OPCML: variants seen among roughly 807,000 people sequenced by gnomAD.
The protein encoded by OPCML is opioid binding protein/cell adhesion molecule like, also known as opioid-binding protein/cell adhesion molecule.
Under a neutral mutation model 37.8 loss-of-function variants are expected in OPCML, and 13 were observed. The ratio of observed to expected loss-of-function variants is 0.34; its 90% CI spans 0.22 to 0.55. OPCML has a LOEUF of 0.55. Ranked by LOEUF, OPCML falls within the 20% of genes least tolerant of loss-of-function variation. OPCML has a pLI of 0.91. For synonymous variants in OPCML, 176 were observed against 168.8 expected (o/e 1.04, Z -0.33); for missense variants, 341 against 435.6 (o/e 0.78, Z 1.93).
chr11:132,725,093 C>T (rs1944828556), intron 2 of OPCML, among the ~76,000 whole-genome samples: 1 of 152,164 alleles, frequency 6.6e-6, no homozygotes, highest in Non-Finnish European at 1.5e-5. Context: ...GGCAGTGCCC[C>T]AGTAGGGACT....
At chr11:133,482,720 A>AT (rs1330639287) in intron 1 of OPCML, among the ~76,000 whole-genome samples, 1 of 152,214 alleles carries the variant, frequency 6.6e-6, no homozygotes, top group Non-Finnish European at 1.5e-5. Context: ...AAACTAGCTT[A>AT]TTATATGGAG....
At chr11:133,485,305 A>T (rs1426910414) in intron 1 of OPCML, among the ~76,000 whole-genome samples, 3 of 152,214 alleles carry the variant, frequency 2.0e-5, no homozygotes, top group Non-Finnish European at 2.9e-5. Context: ...TGTGTGACAT[A>T]CCTAGGAATT....
At chr11:132,643,793 C>A (rs2135729645) in intron 3 of OPCML, among the ~76,000 whole-genome samples, 1 of 152,308 alleles carries the variant, frequency 6.6e-6, no homozygotes, top group Admixed American at 6.5e-5. Context: ...TCTCATTCAA[C>A]AAGCTCAGTT....
At chr11:132,653,816 T>C (rs1941559499) in intron 3 of OPCML, among the ~76,000 whole-genome samples, 1 of 152,158 alleles carries the variant, frequency 6.6e-6, no homozygotes, top group Non-Finnish European at 1.5e-5. Flanking sequence ...AGAAATGAGA[T>C]ACCCACCTTC....
At chr11:133,114,044 G>A (rs1949295644) in intron 1 of OPCML, among the ~76,000 whole-genome samples, 1 of 152,202 alleles carries the variant, frequency 6.6e-6, no homozygotes, top group Non-Finnish European at 1.5e-5. Flanking sequence ...CAGAAACAGA[G>A]CATAAGTACA....
chr11:132,525,268 G>A (rs2096305044), intron 4 of OPCML, among the ~76,000 whole-genome samples: 1 of 152,038 alleles, frequency 6.6e-6, no homozygotes, highest in South Asian at 2.1e-4. Context: ...AATTGTAAGG[G>A]GTGAACAGCA....
intron 1 of OPCML, among the ~76,000 whole-genome samples, chr11:133,273,966 A>T (rs1941921787): frequency 6.6e-6 from 1 of 152,228 alleles, no homozygotes; most frequent in African/African-American, 2.4e-5. Flanking sequence ...TAACATCATG[A>T]TATAATTTTT....
chr11:132,953,613 T>C (rs1369627400), intron 1 of OPCML, among the ~76,000 whole-genome samples: 1 of 152,100 alleles, frequency 6.6e-6, no homozygotes, highest in East Asian at 1.9e-4. Flanking sequence ...TTCAGTACCA[T>C]TATTACAGTC....
In OPCML at chr11:132,589,104, A is replaced by C. The variant is rs183464680; in HGVS notation, c.380-59918T>G. Among the ~76,000 whole-genome samples the C allele has an allele frequency of 5.6e-3, 846 of 152,318 alleles. 5 individuals carry two copies. Among genetic ancestry groups the C allele is most frequent in the African/African-American group, 0.02 (815 of 41,556 alleles). ...CTTGAAAGTGAACATAACCTCCATCAGTTATGAAAATTTGGTACAAAGATA... is the reference window on the plus strand; with the variant it reads ...CTTGAAAGTGAACATAACCTCCATCCGTTATGAAAATTTGGTACAAAGATA... On this transcript the variant is annotated intron_variant, in intron 3 of 7. Transcript: ENST00000524381.
At chr11:133,507,936 A>C (rs891948619) in intron 1 of OPCML, among the ~76,000 whole-genome samples, 3 of 149,910 alleles carry the variant, frequency 2.0e-5, no homozygotes, top group Non-Finnish European at 4.4e-5. Context: ...GACAGAGTGA[A>C]AGTATGTCTC....
chr11:132,465,665 C>T (rs2096117416), intron 4 of OPCML, among the ~76,000 whole-genome samples: 1 of 151,864 alleles, frequency 6.6e-6, no homozygotes, highest in African/African-American at 2.4e-5. Flanking sequence ...ATTTATGAAT[C>T]TCTTTCACTG....
intron 2 of OPCML, among the ~76,000 whole-genome samples, chr11:132,907,023 T>C (rs531644076): frequency 6.6e-6 from 1 of 152,306 alleles, no homozygotes; most frequent in African/African-American, 2.4e-5. Flanking sequence ...AATCATCCCC[T>C]ATCCTGACCA....
At chr11:133,299,967 A>G (rs1942738838) in intron 1 of OPCML, 1 of 152,220 alleles carries the variant, frequency 6.6e-6, no homozygotes. Context: ...CACCCCTTAT[A>G]AATTACTCCC....
intron 1 of OPCML, among the ~76,000 whole-genome samples, chr11:133,074,420 C>T (rs1481558775): frequency 6.6e-6 from 1 of 152,178 alleles, no homozygotes; most frequent in Non-Finnish European, 1.5e-5. Flanking sequence ...GTTTTAGTAC[C>T]TCTATGTAAG....
intron 1 of OPCML, among the ~76,000 whole-genome samples, chr11:132,999,770 G>A (rs541996402): frequency 1.5e-4 from 23 of 152,236 alleles, no homozygotes; most frequent in South Asian, 1.0e-3. Flanking sequence ...AAAGAGCTAC[G>A]AGACAGCAAA....
At chr11:132,748,625 G>A (rs1230497879) in intron 2 of OPCML, among the ~76,000 whole-genome samples, 3 of 152,168 alleles carry the variant, frequency 2.0e-5, no homozygotes, top group Non-Finnish European at 4.4e-5. Context: ...AGGAGAGAGC[G>A]GTGCGAGGGA....
chr11:132,953,114 AGTTTCT>A (rs1439297979), intron 1 of OPCML, among the ~76,000 whole-genome samples: 1 of 152,098 alleles, frequency 6.6e-6, no homozygotes, highest in Non-Finnish European at 1.5e-5. Flanking sequence ...TTTCCTTCCA[AGTTTCT>A]GTGTGTATTG....
intron 1 of OPCML, among the ~76,000 whole-genome samples, chr11:133,318,767 T>C (rs146286497): frequency 0.017 from 2,562 of 152,270 alleles, 85 homozygotes; most frequent in African/African-American, 0.058. Flanking sequence ...CTGGGAGCAG[T>C]GGTTCACGCC....
In OPCML at chr11:133,311,506, G is replaced by C. The variant is rs189590810; in HGVS notation, c.61+220758C>G. 3.7e-4 allele frequency among the ~76,000 whole-genome samples: 56 copies of C among 152,268 alleles called. No homozygotes were observed. The East Asian group carries it at 9.8e-3, about 27-fold the overall frequency. ...CAGCTGGTGTTCAAACAGAAGCTCA[G>C]GTACAATGGGATGGGGTGTTTGGGT... is the stretch of plus-strand genomic sequence containing the variant. On this transcript the variant is annotated intron_variant, in intron 1 of 7. Transcript: ENST00000524381.
Sources: allele counts gnomAD v4.1 joint callset (sites outside exome capture counted in the v4.1 genomes callset), GRCh38; gene constraint gnomAD v4.1.1; transcripts MANE v1.5; gene names NCBI Gene and HGNC (gene_info 2026-07-23, HGNC 2026-07-21).